Variants in ATP10B observed in about 807,000 individuals in gnomAD.
The protein encoded by ATP10B is ATPase phospholipid transporting 10B (putative).
In ATP10B, 122 loss-of-function variants were observed where a neutral mutation model predicts 141.2. The ratio of observed to expected loss-of-function variants is 0.86; its 90% CI spans 0.75 to 1.00. The LOEUF is 1.00. Among genes scored for constraint, ATP10B ranks in the 50% least tolerant of loss-of-function variants. The probability of loss-of-function intolerance (pLI) is 0.00; values close to 1 mark genes in which losing one functional copy is unlikely to be tolerated. For synonymous variants in ATP10B, 685 were observed against 692.0 expected, an observed-to-expected ratio of 0.99 and a Z score of 0.16; for missense variants, 1,876 against 1,825.3, an observed-to-expected ratio of 1.03 and a Z score of -0.51.
chr5:160,745,425 G>T (rs1767746665), intron 2 of ATP10B, among the ~76,000 whole-genome samples: 1 of 152,292 alleles, frequency 6.6e-6, no homozygotes, highest in South Asian at 2.1e-4. Flanking sequence ...AACTGATGCA[G>T]TATTCAGGAG....
chr5:160,906,740 T>C, the ATP10B span, among the ~76,000 whole-genome samples: 1 of 152,292 alleles, frequency 6.6e-6, no homozygotes, highest in Non-Finnish European at 1.5e-5. Context: ...CGGTACCCAG[T>C]ACCGCCTCTC....
At chr5:160,894,339 C>T in the ATP10B span, among the ~76,000 whole-genome samples, 3 of 151,938 alleles carry the variant, frequency 2.0e-5, no homozygotes, top group Admixed American at 6.6e-5. Flanking sequence ...CTAGAATAAC[C>T]AGTTTAGAGA....
At chr5:160,566,968 G>C (rs1169864616) in intron 25 of ATP10B, among the ~76,000 whole-genome samples, 5 of 152,292 alleles carry the variant, frequency 3.3e-5, no homozygotes, top group Admixed American at 6.5e-5. Flanking sequence ...CAGTGGGCAA[G>C]AGATTTCTGA....
intron 7 of ATP10B, among the ~76,000 whole-genome samples, chr5:160,664,099 T>A (rs1445216669): frequency 6.6e-6 from 1 of 152,222 alleles, no homozygotes; most frequent in East Asian, 1.9e-4. Flanking sequence ...ATGTGATCTG[T>A]GCTCAACATT....
At chr5:160,580,288 T>C (rs1388401116) in intron 24 of ATP10B, among the ~76,000 whole-genome samples, 1 of 152,232 alleles carries the variant, frequency 6.6e-6, no homozygotes, top group Non-Finnish European at 1.5e-5. Context: ...CAGTATGATA[T>C]TGGCTATGGG....
intron 2 of ATP10B, among the ~76,000 whole-genome samples, chr5:160,765,112 G>A (rs958549859): frequency 5.3e-5 from 8 of 152,098 alleles, no homozygotes; most frequent in African/African-American, 1.9e-4. Flanking sequence ...ATTCATGAAT[G>A]GGTAGAATCA....
intron 6 of ATP10B, among the ~76,000 whole-genome samples, chr5:160,671,596 G>A (rs1762707663): frequency 6.6e-6 from 1 of 152,116 alleles, no homozygotes; most frequent in Non-Finnish European, 1.5e-5. Flanking sequence ...GAATTAGAGG[G>A]CCGAAGAAAT....
At position 160,670,667 on chromosome 5, in the gene ATP10B, T is replaced by C. The variant is rs755061429; in HGVS notation, c.471A>G (p.Arg157=). ...INCSNIRIYE[R]KEQTYVQKCW... is the part of the protein sequence containing the mutation. ...ACTTCTGCACATAGGTCTGCTCTTT[T>C]CTTGGGTGAGAGAAAGACAGGGTGT... Residue 157 remains arginine (R), a splice_region_variant and synonymous_variant, in exon 7 of 26, where the codon AGA becomes AGG. Coordinates refer to ENST00000327245, the MANE Select transcript of ATP10B (RefSeq NM_025153.3). 4 of 1,612,904 alleles carry C rather than the reference T, an allele frequency of 2.5e-6. No homozygotes were observed. Among genetic ancestry groups the C allele is most frequent in the Non-Finnish European group, 3.4e-6 (4 of 1,179,558 alleles).
chr5:160,707,207 T>C (rs1295823051), intron 3 of ATP10B, among the ~76,000 whole-genome samples: 1 of 152,206 alleles, frequency 6.6e-6, no homozygotes, highest in Non-Finnish European at 1.5e-5. Context: ...CACCTCAGCC[T>C]CCCACAGTGC....
intron 2 of ATP10B, among the ~76,000 whole-genome samples, chr5:160,742,285 T>C (rs1453768123): frequency 6.6e-6 from 1 of 152,160 alleles, no homozygotes; most frequent in Non-Finnish European, 1.5e-5. Context: ...TAGTGCTATA[T>C]TGCATGCTAA....
chr5:160,670,123 G>A (rs1157301086), intron 7 of ATP10B, among the ~76,000 whole-genome samples: 1 of 152,122 alleles, frequency 6.6e-6, no homozygotes, highest in Non-Finnish European at 1.5e-5. Flanking sequence ...GAGCACAGAA[G>A]AGGAGTTGGT....
chr5:160,770,593 C>T (rs1344412013), intron 2 of ATP10B, among the ~76,000 whole-genome samples: 2 of 152,098 alleles, frequency 1.3e-5, no homozygotes, highest in Non-Finnish European at 2.9e-5. Context: ...TTAAAAGTGG[C>T]TTTTCACATT....
At chr5:160,755,319 A>T (rs1307148651) in intron 2 of ATP10B, among the ~76,000 whole-genome samples, 1 of 152,122 alleles carries the variant, frequency 6.6e-6, no homozygotes, top group East Asian at 1.9e-4. Flanking sequence ...ACCTTCCACC[A>T]GGCCCCTCCA....
chr5:160,622,955 T>G (rs1345904108), intron 13 of ATP10B, among the ~76,000 whole-genome samples: 1 of 152,212 alleles, frequency 6.6e-6, no homozygotes, highest in African/African-American at 2.4e-5. Context: ...CTGCACAGTC[T>G]TCTTAAAACT....
intron 7 of ATP10B, among the ~76,000 whole-genome samples, chr5:160,653,741 T>G (rs1241386274): frequency 1.6e-5 from 2 of 128,954 alleles, no homozygotes; most frequent in Non-Finnish European, 3.1e-5. Flanking sequence ...TATATACATA[T>G]ATTACATATA....
At chr5:160,858,617 A>G in the ATP10B span, among the ~76,000 whole-genome samples, 1 of 151,882 alleles carries the variant, frequency 6.6e-6, no homozygotes, top group Non-Finnish European at 1.5e-5. Flanking sequence ...GTGATTATTA[A>G]TATGTTAGGG....
intron 18 of ATP10B, chr5:160,611,746 C>T (rs1757732063): frequency 6.6e-6 from 1 of 152,264 alleles, no homozygotes; most frequent in African/African-American, 2.4e-5. Context: ...TGTCCTCTCT[C>T]CCTCCTTTCC....
intron 3 of ATP10B, among the ~76,000 whole-genome samples, chr5:160,697,881 T>C (rs1030945894): frequency 6.6e-6 from 1 of 152,164 alleles, no homozygotes; most frequent in South Asian, 2.1e-4. Context: ...TAACCCCCGA[T>C]TGGTTTTCTC....
the ATP10B span, among the ~76,000 whole-genome samples, chr5:160,902,854 A>G: frequency 1.9e-4 from 29 of 152,224 alleles, no homozygotes; most frequent in Non-Finnish European, 2.9e-4. Flanking sequence ...CAAAAATCAC[A>G]AAGTCAGATG....
Sources: allele counts gnomAD v4.1 joint callset (sites outside exome capture counted in the v4.1 genomes callset), GRCh38; gene constraint gnomAD v4.1.1; transcripts MANE v1.5; gene names NCBI Gene and HGNC (gene_info 2026-07-23, HGNC 2026-07-21).